The following DOCK2 variants were observed in gnomAD, a reference collection of about 807,000 sequenced individuals.
DOCK2 encodes dedicator of cytokinesis 2, also known as dedicator of cytokinesis protein 2.
In DOCK2, 87 loss-of-function variants were observed where a neutral mutation model predicts 248.9. The ratio of observed to expected loss-of-function variants is 0.35; its 90% CI spans 0.29 to 0.42. The LOEUF (loss-of-function observed/expected upper bound fraction) is 0.42. Ranked by LOEUF, DOCK2 falls within the 10% of genes least tolerant of loss-of-function variation. The probability of loss-of-function intolerance (pLI) is 1.00; values close to 1 mark genes in which losing one functional copy is unlikely to be tolerated. For missense variants in DOCK2, 1,747 were observed against 2,300.2 expected, an observed-to-expected ratio of 0.76 and a Z score of 4.92; for synonymous variants, 805 against 821.6, an observed-to-expected ratio of 0.98 and a Z score of 0.35.
At chr5:169,669,637 T>C (rs565149497) in intron 3 of DOCK2, among the ~76,000 whole-genome samples, 16 of 152,266 alleles carry the variant, frequency 1.1e-4, no homozygotes, top group Middle Eastern at 3.4e-3. Flanking sequence ...TGAAATTTAT[T>C]CTACTGCCTT....
intron 22 of DOCK2, among the ~76,000 whole-genome samples, chr5:169,741,910 C>T (rs1193594215): frequency 1.3e-5 from 2 of 151,152 alleles, no homozygotes; most frequent in East Asian, 1.9e-4. Flanking sequence ...CCCGGGTTCA[C>T]GCCATCCTCC....
At chr5:170,069,336 C>T (rs1757602858) in intron 46 of DOCK2, 116 bp downstream of exon 46, 3 of 1,049,842 alleles carry the variant, frequency 2.9e-6, no homozygotes, top group Non-Finnish European at 4.3e-6. Context: ...GCCCTCCTGT[C>T]CCTTGCTTTT....
At chr5:169,804,452 G>GTT (rs1157127831) in intron 26 of DOCK2, among the ~76,000 whole-genome samples, 1 of 69,298 alleles carries the variant, frequency 1.4e-5, no homozygotes, top group Non-Finnish European at 3.9e-5. Context: ...GTGTGTGTGT[G>GTT]TGTGTGTGTG....
In DOCK2 at chr5:169,943,715, G is replaced by A. The variant is rs62386595; in HGVS notation, c.2800-39353G>A. 6.3e-3 allele frequency among the ~76,000 whole-genome samples: 961 copies of A among 152,226 alleles called. 5 individuals carry two copies. Among genetic ancestry groups the A allele is most frequent in the Admixed American group, 9.6e-3 (146 of 15,286 alleles). Reference sequence around the variant, plus strand: ...GGATCAGTGGAATCAGCATCACCTGGGAGCTTGTTAGAAATGCACATTCTC... The same window carrying A: ...GGATCAGTGGAATCAGCATCACCTGAGAGCTTGTTAGAAATGCACATTCTC... On this transcript the variant is annotated intron_variant, in intron 27 of 51. Transcript: ENST00000520908.
intron 27 of DOCK2, among the ~76,000 whole-genome samples, chr5:169,982,475 A>G (rs1777969368): frequency 1.3e-5 from 2 of 152,130 alleles, no homozygotes; most frequent in African/African-American, 4.8e-5. Context: ...GGCTTTGCCA[A>G]TTGAGGGTCT....
At chr5:169,917,568 A>C (rs192464692) in intron 27 of DOCK2, among the ~76,000 whole-genome samples, 7 of 152,320 alleles carry the variant, frequency 4.6e-5, no homozygotes, top group Non-Finnish European at 1.0e-4. Context: ...ATAAAATGAA[A>C]ATTGAATGTT....
At chr5:169,710,749 C>G (rs571921737) in intron 15 of DOCK2, among the ~76,000 whole-genome samples, 19 of 152,314 alleles carry the variant, frequency 1.2e-4, no homozygotes, top group African/African-American at 4.6e-4. Flanking sequence ...TATTACTTTG[C>G]TCAGTGTGTC....
intron 22 of DOCK2, among the ~76,000 whole-genome samples, chr5:169,739,559 A>G (rs1279080834): frequency 6.6e-6 from 1 of 152,242 alleles, no homozygotes; most frequent in East Asian, 1.9e-4. Context: ...GTTATACCTA[A>G]TCCCCTTTTC....
chr5:169,806,083 G>A (rs1400896994), intron 26 of DOCK2, among the ~76,000 whole-genome samples: 3 of 152,136 alleles, frequency 2.0e-5, no homozygotes, highest in Non-Finnish European at 4.4e-5. Flanking sequence ...TCAATGAATA[G>A]GAGGCATTCA....
intron 27 of DOCK2, among the ~76,000 whole-genome samples, chr5:169,921,896 G>A (rs1022348496): frequency 6.6e-5 from 10 of 152,180 alleles, no homozygotes; most frequent in Non-Finnish European, 1.2e-4. Flanking sequence ...AAATAATACT[G>A]TGATAGCCCC....
intron 6 of DOCK2, among the ~76,000 whole-genome samples, chr5:169,677,242 A>G (rs57888014): frequency 0.2 from 30,381 of 152,174 alleles, 3,387 homozygotes; most frequent in South Asian, 0.31. Context: ...ACTCCCTAAC[A>G]ATAGGAGCTA....
At chr5:169,834,950 C>T (rs912685843) in intron 26 of DOCK2, among the ~76,000 whole-genome samples, 13 of 152,078 alleles carry the variant, frequency 8.5e-5, no homozygotes, top group African/African-American at 2.9e-4. Flanking sequence ...AGAAAAATAG[C>T]AGAAGAGACC....
chr5:169,782,018 A>G (rs1436817658), intron 25 of DOCK2, among the ~76,000 whole-genome samples: 3 of 152,036 alleles, frequency 2.0e-5, no homozygotes, highest in Non-Finnish European at 1.5e-5. Flanking sequence ...TTTAAAATCA[A>G]TTACAATCCA....
chr5:170,041,296 T>G (rs1756509044), intron 37 of DOCK2, 151 bp downstream of exon 37: 2 of 706,368 alleles, frequency 2.8e-6, no homozygotes, highest in Non-Finnish European at 4.8e-6. Flanking sequence ...AGGATACTTT[T>G]TGCACTGCTT....
chr5:169,859,595 T>A (rs539443646), intron 27 of DOCK2, among the ~76,000 whole-genome samples: 1 of 152,370 alleles, frequency 6.6e-6, no homozygotes, highest in East Asian at 1.9e-4. Flanking sequence ...GAAGGTTATA[T>A]TGAGGATTCA....
chr5:169,799,019 A>G (rs1344628745), intron 25 of DOCK2, among the ~76,000 whole-genome samples: 1 of 152,186 alleles, frequency 6.6e-6, no homozygotes, highest in Non-Finnish European at 1.5e-5. Flanking sequence ...GAGTTTATCA[A>G]ATCTTTAGCT....
intron 27 of DOCK2, among the ~76,000 whole-genome samples, chr5:169,975,882 A>G (rs1280820004): frequency 6.6e-6 from 1 of 152,210 alleles, no homozygotes. Context: ...TGCCTGGCAC[A>G]TAGTAGGTGC....
At chr5:169,705,342 C>T (rs1761205115) in intron 14 of DOCK2, among the ~76,000 whole-genome samples, 1 of 152,122 alleles carries the variant, frequency 6.6e-6, no homozygotes, top group South Asian at 2.1e-4. Context: ...AAGAGAAAGG[C>T]TTAGATGCTG....
chr5:169,728,224 G>A (rs927835057), intron 22 of DOCK2, among the ~76,000 whole-genome samples: 1 of 152,078 alleles, frequency 6.6e-6, no homozygotes, highest in Non-Finnish European at 1.5e-5. Context: ...ATTGGGTTTG[G>A]GACATAAAAT....
Sources: gnomAD v4.1 joint callset for allele counts (sites outside exome capture counted in the v4.1 genomes callset) on GRCh38, gnomAD v4.1.1 for gene constraint, MANE v1.5 for transcripts, NCBI Gene and HGNC (gene_info 2026-07-23, HGNC 2026-07-21) for gene names.